MPPED2: variants seen among roughly 807,000 people sequenced by gnomAD.
MPPED2 encodes the protein metallophosphoesterase MPPED2.
MPPED2 carries 5 observed loss-of-function variants against 33.0 expected under a neutral mutation model. The observed-to-expected ratio is 0.15, with a 90% CI of 0.08 to 0.32. The LOEUF (loss-of-function observed/expected upper bound fraction) is 0.32. Ranked by LOEUF, MPPED2 falls within the 10% of genes least tolerant of loss-of-function variation. The pLI is 1.00. For missense variants in MPPED2, 275 were observed against 372.1 expected (o/e 0.74, Z 2.15); for synonymous variants, 136 against 141.9 (o/e 0.96, Z 0.29).
chr11:30,436,257 T>A (rs925561254), intron 4 of MPPED2, among the ~76,000 whole-genome samples: 12 of 152,118 alleles, frequency 7.9e-5, no homozygotes, highest in African/African-American at 2.9e-4. Context: ...GATAAATATT[T>A]ATGGAATGTA....
chr11:30,444,385 C>A (rs939732631), intron 4 of MPPED2, among the ~76,000 whole-genome samples: 7 of 152,008 alleles, frequency 4.6e-5, no homozygotes, highest in Non-Finnish European at 1.0e-4. Context: ...AAGAAGGAGT[C>A]CATAACAGGA....
chr11:30,556,665 T>C (rs1043561187), intron 2 of MPPED2, among the ~76,000 whole-genome samples: 2 of 152,178 alleles, frequency 1.3e-5, no homozygotes, highest in African/African-American at 4.8e-5. Context: ...GCCTTGGTTT[T>C]CTTATCTGCA....
intron 3 of MPPED2, among the ~76,000 whole-genome samples, chr11:30,502,755 T>TG (rs1289783582): frequency 1.3e-5 from 2 of 152,226 alleles, no homozygotes; most frequent in African/African-American, 4.8e-5. Context: ...ATGAGGGGAC[T>TG]GGGGGCACAT....
chr11:30,460,760 C>T (rs566889098), intron 4 of MPPED2, among the ~76,000 whole-genome samples: 1 of 152,238 alleles, frequency 6.6e-6, no homozygotes, highest in South Asian at 2.1e-4. Context: ...TAAAAAGTAG[C>T]TTACAGATTG....
rs192340043 is a variant in MPPED2 at position 30,405,097 on chromosome 11, G to A, written c.766+9131C>T. ...TTGGGGGATCCAGAAAAGGCTTCCA[G>A]AAAATAGGAGTTCCTTTTAGGATTA... On this transcript the variant is annotated intron_variant, in intron 6 of 6. Transcript: ENST00000448418. Among the ~76,000 whole-genome samples the A allele has an allele frequency of 3.6e-3, 548 of 152,284 alleles. 5 individuals carry two copies. Among genetic ancestry groups the A allele is most frequent in the African/African-American group, 0.012 (519 of 41,554 alleles).
chr11:30,394,691 C>G (rs2133699804), intron 6 of MPPED2, among the ~76,000 whole-genome samples: 1 of 152,198 alleles, frequency 6.6e-6, no homozygotes, highest in African/African-American at 2.4e-5. Flanking sequence ...TATTTTCTCC[C>G]ACTCTGTAAT....
At chr11:30,477,979 C>A (rs1315203117) in intron 4 of MPPED2, among the ~76,000 whole-genome samples, 2 of 151,988 alleles carry the variant, frequency 1.3e-5, no homozygotes, top group East Asian at 3.9e-4. Flanking sequence ...TCTGTGGTGG[C>A]TCTGGTTACT....
chr11:30,404,038 A>G (rs1239995498), intron 6 of MPPED2, among the ~76,000 whole-genome samples: 1 of 152,208 alleles, frequency 6.6e-6, no homozygotes, highest in Non-Finnish European at 1.5e-5. Flanking sequence ...TTCATTTCTC[A>G]TCATCCAACC....
chr11:30,538,646 T>G (rs1954936778), intron 2 of MPPED2, among the ~76,000 whole-genome samples: 1 of 152,136 alleles, frequency 6.6e-6, no homozygotes. Context: ...AAAGTGTTTC[T>G]TCTCAGCTTT....
At chr11:30,431,888 T>C (rs1478723368) in intron 4 of MPPED2, among the ~76,000 whole-genome samples, 2 of 152,194 alleles carry the variant, frequency 1.3e-5, no homozygotes, top group African/African-American at 4.8e-5. Flanking sequence ...ATTCCACTTT[T>C]TTTCAGCCGG....
downstream of MPPED2, among the ~76,000 whole-genome samples, chr11:30,406,018 CA>C (rs1337012216): frequency 6.6e-6 from 1 of 152,068 alleles, no homozygotes; most frequent in Non-Finnish European, 1.5e-5. Context: ...ACATGTATGT[CA>C]AAACGCATGA....
At chr11:30,419,506 T>C (rs1382099292) in intron 4 of MPPED2, among the ~76,000 whole-genome samples, 1 of 152,198 alleles carries the variant, frequency 6.6e-6, no homozygotes, top group Non-Finnish European at 1.5e-5. Context: ...GTGGAGTGGA[T>C]ACCTGTTGCT....
At chr11:30,536,353 T>G (rs1289520939) in intron 2 of MPPED2, among the ~76,000 whole-genome samples, 178 bp from the exon 3 acceptor site, 1 of 152,178 alleles carries the variant, frequency 6.6e-6, no homozygotes, top group Non-Finnish European at 1.5e-5. Flanking sequence ...ATCACCCATT[T>G]ACAAACCCAC....
At chr11:30,456,263 C>G (rs1430901926) in intron 4 of MPPED2, among the ~76,000 whole-genome samples, 1 of 152,138 alleles carries the variant, frequency 6.6e-6, no homozygotes, top group African/African-American at 2.4e-5. Flanking sequence ...AGCTGTCTGA[C>G]ATGTGAACAA....
At chr11:30,397,312 A>C (rs922098708) in intron 6 of MPPED2, among the ~76,000 whole-genome samples, 4 of 152,098 alleles carry the variant, frequency 2.6e-5, no homozygotes, top group African/African-American at 9.7e-5. Context: ...TCTTGTTATA[A>C]GTTTTCTGGA....
intron 3 of MPPED2, among the ~76,000 whole-genome samples, chr11:30,497,420 T>C (rs1018756263): frequency 1.9e-4 from 29 of 152,162 alleles, no homozygotes; most frequent in African/African-American, 5.8e-4. Flanking sequence ...GCTAAAACGT[T>C]TTCCCAGACA....
chr11:30,485,712 A>G (rs1048098326), intron 4 of MPPED2, among the ~76,000 whole-genome samples: 7 of 152,074 alleles, frequency 4.6e-5, no homozygotes, highest in African/African-American at 1.7e-4. Flanking sequence ...ATTAGCAATA[A>G]TTTTTTTGGA....
intron 2 of MPPED2, among the ~76,000 whole-genome samples, chr11:30,577,114 A>G (rs1956964356): frequency 6.6e-6 from 1 of 152,208 alleles, no homozygotes; most frequent in African/African-American, 2.4e-5. Context: ...TCTTAACTGC[A>G]ATCTTAATCT....
At chr11:30,399,538 T>C (rs753582335) in intron 6 of MPPED2, among the ~76,000 whole-genome samples, 77 of 152,208 alleles carry the variant, frequency 5.1e-4, no homozygotes, top group Non-Finnish European at 7.4e-5. Context: ...TTTGTGTCTT[T>C]GTAAAAGTCA....
Sources: gnomAD v4.1 joint callset for allele counts (sites outside exome capture counted in the v4.1 genomes callset) on GRCh38, gnomAD v4.1.1 for gene constraint, MANE v1.5 for transcripts, NCBI Gene and HGNC (gene_info 2026-07-23, HGNC 2026-07-21) for gene names.